PANK1: variants seen among roughly 807,000 people sequenced by gnomAD.
PANK1 encodes the protein pantothenic acid kinase 1.
A neutral mutation model predicts 40.1 loss-of-function variants in PANK1; 18 were observed. The observed-to-expected ratio is 0.45, with a 90% CI of 0.31 to 0.67. PANK1 has a LOEUF of 0.67. Among genes scored for constraint, PANK1 ranks in the 30% least tolerant of loss-of-function variants. The pLI is 0.06. For synonymous variants in PANK1, 242 were observed against 237.7 expected, an observed-to-expected ratio of 1.02 and a Z score of -0.17; for missense variants, 457 against 599.6, an observed-to-expected ratio of 0.76 and a Z score of 2.48.
At chr10:89,595,852 A>G (rs1258519503) in intron 3 of PANK1, among the ~76,000 whole-genome samples, 1 of 112,360 alleles carries the variant, frequency 8.9e-6, no homozygotes, top group Non-Finnish European at 1.7e-5. Context: ...ATATATATAT[A>G]TATATATATA....
At chr10:89,601,425 G>A (rs1249818984) in intron 2 of PANK1, among the ~76,000 whole-genome samples, 2 of 151,194 alleles carry the variant, frequency 1.3e-5, no homozygotes, top group Non-Finnish European at 2.9e-5. Context: ...AGGCTGCAGC[G>A]AGCCATGGTC....
At chr10:89,613,330 A>G (rs577545071) in intron 1 of PANK1, among the ~76,000 whole-genome samples, 2 of 152,332 alleles carry the variant, frequency 1.3e-5, no homozygotes, top group African/African-American at 4.8e-5. Flanking sequence ...TCAGCCCTAG[A>G]GAACATCAAT....
At chr10:89,587,834 T>C (rs1469289746) in intron 6 of PANK1, among the ~76,000 whole-genome samples, 1 of 152,214 alleles carries the variant, frequency 6.6e-6, no homozygotes, top group Non-Finnish European at 1.5e-5. Context: ...ATCGTATATA[T>C]TTATGGGGTA....
chr10:89,599,298 G>A lies in PANK1; in HGVS notation c.853C>T (p.Leu285=), dbSNP rs766474386. The A allele has an allele frequency of 5.5e-5, 88 of 1,613,896 alleles. No individual in the cohort carries two copies. In the South Asian group the frequency reaches 7.8e-4, roughly 14 times the overall value. ...LVNMGSGVSI[L]AVYSKDNYKR... ...TAGTTGTCCTTGGAGTACACGGCTA[G>A]AATGCTGACACCTGAGCCCATGTTA... Residue 285 remains leucine (L), a synonymous_variant, in exon 3 of 7, where the codon CTA becomes TTA. Coordinates refer to ENST00000307534, the MANE Select transcript of PANK1 (RefSeq NM_148977.3).
Position 89,645,109 on chromosome 10 carries a change from C to A in PANK1, c.-218G>T. The A allele has an allele frequency of 6.8e-7, 1 of 1,476,110 alleles. No individual in the cohort carries two copies. The highest frequency in any genetic ancestry group is 8.9e-7 in the Non-Finnish European group (1 of 1,120,504). The allele number at this position is 1,476,110 out of a possible 1,614,324, so 91.4% of individuals were successfully genotyped here. A position where few individuals can be genotyped will look rare whatever the true frequency, so the allele number is the denominator to read the frequency against. ...CCCCCCGCGCGCCGGCCCCACGGCGCCGGCCTGGAGCACGCCAGCCCCGGG... is the reference window on the plus strand; with the variant it reads ...CCCCCCGCGCGCCGGCCCCACGGCGACGGCCTGGAGCACGCCAGCCCCGGG... On this transcript the variant is annotated 5_prime_UTR_variant, in exon 1 of 7. Coordinates refer to ENST00000307534, the MANE Select transcript of PANK1 (RefSeq NM_148977.3).
At chr10:89,580,804 C>T (rs1395106903), downstream of PANK1, 1 of 152,182 alleles carries the variant, frequency 6.6e-6, no homozygotes, top group Non-Finnish European at 1.5e-5. Flanking sequence ...CCTCAAATCC[C>T]TATTTTCATT....
Position 89,644,614 on chromosome 10 carries a change from C to T in PANK1, c.278G>A (p.Arg93Lys), listed in dbSNP as rs1842060133. Residue 93 changes from arginine (R) to lysine (K), a missense_variant, in exon 1 of 7, where the codon AGA (arginine) becomes AAA (lysine). Coordinates refer to ENST00000307534, the MANE Select transcript of PANK1 (RefSeq NM_148977.3). ...GCGGGACTTACGCGGCCTGTTCTTT[C>T]TCCCCGAGTCCATCCTCCTCCGCAG... ...CRLRRRMDSG[R>K]KNRPPFPWFG... 9 of 1,589,242 alleles carry T rather than the reference C, an allele frequency of 5.7e-6. No individual in the cohort carries two copies. The highest frequency in any genetic ancestry group is 7.7e-6 in the Non-Finnish European group (9 of 1,172,786).
At chr10:89,616,813 T>C (rs930958807) in intron 1 of PANK1, among the ~76,000 whole-genome samples, 7 of 151,718 alleles carry the variant, frequency 4.6e-5, no homozygotes, top group African/African-American at 1.7e-4. Flanking sequence ...TCCAGCTACT[T>C]GGGAGGCTGA....
intron 2 of PANK1, among the ~76,000 whole-genome samples, chr10:89,603,718 A>G (rs1844855056): frequency 2.0e-5 from 3 of 152,120 alleles, no homozygotes. Flanking sequence ...GGGTTCTCAA[A>G]CTTTAAGTGC....
intron 1 of PANK1, among the ~76,000 whole-genome samples, chr10:89,642,849 G>GT (rs1273116643): frequency 2.0e-5 from 3 of 152,066 alleles, no homozygotes; most frequent in Non-Finnish European, 4.4e-5. Context: ...TTGACGAACC[G>GT]TTTTTTAAAA....
In PANK1 at chr10:89,644,597, T is replaced by C; in HGVS notation, c.292+3A>G. On this transcript the variant is annotated splice_donor_region_variant and intron_variant, in intron 1 of 6. Transcript: ENST00000307534. ...CCCGCGCTCCCCTCCCAGCGGGACTTACGCGGCCTGTTCTTTCTCCCCGAG... is the reference window on the plus strand; with the variant it reads ...CCCGCGCTCCCCTCCCAGCGGGACTCACGCGGCCTGTTCTTTCTCCCCGAG... The C allele has an allele frequency of 6.3e-7, 1 of 1,588,770 alleles. No individual in the cohort carries two copies. Among genetic ancestry groups the C allele is most frequent in the Non-Finnish European group, 8.5e-7 (1 of 1,172,480 alleles).
chr10:89,619,884 C>G (rs1319895003), intron 1 of PANK1, among the ~76,000 whole-genome samples: 1 of 152,070 alleles, frequency 6.6e-6, no homozygotes, highest in Non-Finnish European at 1.5e-5. Context: ...AGTCAGGGAC[C>G]CTGAATGGAG....
chr10:89,638,727 C>T (rs10881614), intron 1 of PANK1, among the ~76,000 whole-genome samples: 49,478 of 152,104 alleles, frequency 0.33, 8,656 homozygotes, highest in East Asian at 0.57. Context: ...AAGGCTGGTC[C>T]TTACTCCACT....
In PANK1 at chr10:89,600,729, A is replaced by G. The variant is rs545869432; in HGVS notation, c.646-1224T>C. On this transcript the variant is annotated intron_variant, in intron 2 of 6. Transcript: ENST00000307534. ...TTTTGCCTTCTCAAAAGTTTAATTT[A>G]TGATCCTCAAATATATTACTACTGG... Among the ~76,000 whole-genome samples the G allele has an allele frequency of 2.0e-5, 3 of 152,306 alleles. No individual in the cohort carries two copies. In the South Asian group the frequency reaches 6.2e-4, roughly 32 times the overall value.
intron 5 of PANK1, among the ~76,000 whole-genome samples, chr10:89,591,038 A>T (rs1589759497): frequency 2.0e-5 from 3 of 151,190 alleles, no homozygotes; most frequent in African/African-American, 7.4e-5. Context: ...ACATATGTTT[A>T]TGAATTTTCT....
At position 89,645,022 on chromosome 10, in the gene PANK1, G is replaced by T. The variant is rs761858998; in HGVS notation, c.-131C>A. On this transcript the variant is annotated 5_prime_UTR_variant, in exon 1 of 7. Transcript: ENST00000307534. Reference sequence around the variant, plus strand: ...CAGCAGCCGCAGAGCCGGCGCCTGGGGATGGCGAACCCGGCGCTCCTCCCC... The same window carrying T: ...CAGCAGCCGCAGAGCCGGCGCCTGGTGATGGCGAACCCGGCGCTCCTCCCC... 6.4e-7 allele frequency: 1 copy of T among 1,566,756 alleles called. No homozygotes were observed. The highest frequency in any genetic ancestry group is 8.6e-7 in the Non-Finnish European group (1 of 1,160,406).
At chr10:89,594,145 G>T (rs1391222980) in intron 3 of PANK1, among the ~76,000 whole-genome samples, 156 bp from the exon 4 acceptor site, 1 of 152,218 alleles carries the variant, frequency 6.6e-6, no homozygotes, top group East Asian at 1.9e-4. Context: ...CTTTAGGGTA[G>T]ACTGGATATG....
At chr10:89,643,120 T>C (rs17125278) in intron 1 of PANK1, among the ~76,000 whole-genome samples, 39,326 of 152,068 alleles carry the variant, frequency 0.26, 5,170 homozygotes, top group South Asian at 0.3. Context: ...CAATTAAACA[T>C]AGAAGATTAA....
rs775687289 is a variant in PANK1 at position 89,644,708 on chromosome 10, G to A, written c.184C>T (p.Pro62Ser). The A allele has an allele frequency of 2.6e-6, 4 of 1,540,984 alleles. No individual in the cohort carries two copies. The South Asian group carries it at 3.6e-5, about 14-fold the overall frequency. The change falls in exon 1 of 7, where the codon CCG becomes TCG. Residue 62 changes from proline (P) to serine (S), a missense_variant. By Grantham distance (74) the Pro-to-Ser change is moderately conservative (BLOSUM62 -1). Transcript: ENST00000307534. ...GGSDAAPQRL[P>S]LLPELQPQPL... ...TGCGGCTGCAGCTCCGGCAGGAGCG[G>A]GAGGCGCTGGGGCGCCGCGTCGCTG...
Sources: allele counts gnomAD v4.1 joint callset (sites outside exome capture counted in the v4.1 genomes callset), GRCh38; gene constraint gnomAD v4.1.1; transcripts MANE v1.5; gene names NCBI Gene and HGNC (gene_info 2026-07-23, HGNC 2026-07-21).